COL21A1: variants seen among roughly 807,000 people sequenced by gnomAD.
COL21A1 encodes the protein collagen type XXI alpha 1 chain, also known as collagen alpha-1(XXI) chain.
A neutral mutation model predicts 137.9 loss-of-function variants in COL21A1; 149 were observed. The observed-to-expected ratio is 1.08, with a 90% confidence interval of 0.95 to 1.24. The LOEUF (loss-of-function observed/expected upper bound fraction) is 1.24, where lower values mean the gene tolerates loss of function less well. Among genes scored for constraint, COL21A1 ranks in the 50% most tolerant of loss-of-function variants. COL21A1 has a pLI of 0.00. For missense variants in COL21A1, 1,167 were observed against 1,158.4 expected, an observed-to-expected ratio of 1.01 and a Z score of -0.11; for synonymous variants, 456 against 391.5, an observed-to-expected ratio of 1.16 and a Z score of -1.95.
intron 1 of COL21A1, among the ~76,000 whole-genome samples, chr6:56,227,347 C>T (rs1051942297): frequency 1.3e-5 from 2 of 152,018 alleles, no homozygotes; most frequent in African/African-American, 4.8e-5. Flanking sequence ...GAGAAAACCT[C>T]TAAGTCCCAC....
chr6:56,351,522 G>A (rs1254412537), intron 1 of COL21A1, among the ~76,000 whole-genome samples: 2 of 152,210 alleles, frequency 1.3e-5, no homozygotes, highest in East Asian at 1.9e-4. Context: ...AAATCTCAGA[G>A]AGGAGAGACT....
intron 1 of COL21A1, among the ~76,000 whole-genome samples, chr6:56,379,605 AC>A (rs2094005450): frequency 6.6e-6 from 1 of 152,208 alleles, no homozygotes; most frequent in South Asian, 2.1e-4. Context: ...CTGCCTAGAA[AC>A]ATATGTACAT....
intron 1 of COL21A1, among the ~76,000 whole-genome samples, chr6:56,228,734 C>A (rs1781364674): frequency 6.6e-6 from 1 of 151,532 alleles, no homozygotes; most frequent in African/African-American, 2.4e-5. Flanking sequence ...GGATTCTGGT[C>A]TGGCTTACTG....
At chr6:56,223,943 T>C (rs1369098657) in intron 1 of COL21A1, among the ~76,000 whole-genome samples, 2 of 152,086 alleles carry the variant, frequency 1.3e-5, no homozygotes, top group African/African-American at 4.8e-5. Flanking sequence ...TTCCCAAAGA[T>C]GTTGAGATAC....
intron 16 of COL21A1, among the ~76,000 whole-genome samples, chr6:56,120,582 A>T (rs1309342498): frequency 1.3e-5 from 2 of 152,116 alleles, no homozygotes; most frequent in Admixed American, 1.3e-4. Flanking sequence ...GGATCGCCTG[A>T]GGTCAGGAAT....
At chr6:56,306,902 G>C (rs4370352) in intron 1 of COL21A1, among the ~76,000 whole-genome samples, 4 of 152,030 alleles carry the variant, frequency 2.6e-5, no homozygotes, top group African/African-American at 4.8e-5. Flanking sequence ...TGGGGTTTTG[G>C]TGTGGATGTC....
intron 12 of COL21A1, 173 bp from the exon 13 acceptor site, chr6:56,126,322 G>T (rs1160371611): frequency 5.5e-6 from 3 of 548,764 alleles, no homozygotes; most frequent in Admixed American, 3.7e-5. Context: ...ACTTTTCAGG[G>T]TTTCATTTAT....
At chr6:56,178,732 G>C (rs1361160054) in intron 3 of COL21A1, among the ~76,000 whole-genome samples, 1 of 151,856 alleles carries the variant, frequency 6.6e-6, no homozygotes, top group Non-Finnish European at 1.5e-5. Context: ...ACCAAAACTG[G>C]GACCTTCCCA....
intron 12 of COL21A1, among the ~76,000 whole-genome samples, chr6:56,139,314 G>A (rs1006628666): frequency 3.9e-5 from 6 of 152,064 alleles, no homozygotes; most frequent in African/African-American, 1.2e-4. Flanking sequence ...AAAAAGCCTA[G>A]GCAGTAAGTA....
chr6:56,360,612 G>A (rs186957393), intron 1 of COL21A1, among the ~76,000 whole-genome samples: 18 of 152,282 alleles, frequency 1.2e-4, no homozygotes, highest in East Asian at 1.9e-4. Context: ...AACCAAAATC[G>A]TGTAGGTTGA....
chr6:56,390,221 GTGTT>G (rs969246003), intron 1 of COL21A1, among the ~76,000 whole-genome samples: 12 of 151,956 alleles, frequency 7.9e-5, no homozygotes, highest in Middle Eastern at 3.4e-3. Context: ...TCTCTGCTAT[GTGTT>G]TGTTTGTTTA....
chr6:56,223,629 G>A (rs1780997293), intron 1 of COL21A1, among the ~76,000 whole-genome samples: 1 of 151,962 alleles, frequency 6.6e-6, no homozygotes, highest in Admixed American at 6.6e-5. Flanking sequence ...TTTTGGGTAA[G>A]GGGATAATAT....
upstream of COL21A1, among the ~76,000 whole-genome samples, chr6:56,250,377 T>C (rs1050177113): frequency 3.3e-5 from 5 of 152,336 alleles, no homozygotes; most frequent in Admixed American, 2.6e-4. Flanking sequence ...TAGAGAGGCA[T>C]GCTTTGGCTG....
chr6:56,303,162 G>T (rs998183347), intron 1 of COL21A1, among the ~76,000 whole-genome samples: 21 of 152,280 alleles, frequency 1.4e-4, no homozygotes, highest in Admixed American at 7.2e-4. Context: ...GTCAGGTAGC[G>T]TGATGCCTCC....
intron 16 of COL21A1, among the ~76,000 whole-genome samples, chr6:56,109,042 C>T (rs1024252399): frequency 4.0e-5 from 6 of 151,486 alleles, no homozygotes; most frequent in Admixed American, 3.9e-4. Flanking sequence ...GAAAACATTG[C>T]ATATCAGAAT....
intron 1 of COL21A1, among the ~76,000 whole-genome samples, chr6:56,211,419 T>C (rs1264219933): frequency 6.6e-6 from 1 of 152,010 alleles, no homozygotes; most frequent in Non-Finnish European, 1.5e-5. Context: ...ACCTTTTTAA[T>C]AGTTGGAGTT....
intron 1 of COL21A1, among the ~76,000 whole-genome samples, chr6:56,309,939 G>T (rs938761866): frequency 7.2e-5 from 11 of 152,172 alleles, no homozygotes; most frequent in South Asian, 6.2e-4. Flanking sequence ...ATAGATAAGG[G>T]TAAAACAAGG....
Position 56,170,693 on chromosome 6 carries a change from T to C in COL21A1, c.982A>G (p.Ile328Val). Reference sequence around the variant, plus strand: ...AAGGTAACCACTTGTGAGCCATTAATTACGCTGGTTGTTGTAAATAATAAG... The same window carrying C: ...AAGGTAACCACTTGTGAGCCATTAACTACGCTGGTTGTTGTAAATAATAAG... ...KILLFTTTSV[I>V]NGSQVVTFAN... is the part of the protein sequence containing the mutation. The change falls in exon 5 of 30, where the codon ATT (isoleucine) becomes GTT (valine). Residue 328 changes from isoleucine (I) to valine (V), a missense_variant. Coordinates refer to ENST00000244728, the MANE Select transcript of COL21A1 (RefSeq NM_030820.4). 2 of 1,604,670 alleles carry C rather than the reference T, an allele frequency of 1.2e-6. No individual in the cohort carries two copies. The highest frequency in any genetic ancestry group is 1.7e-6 in the Non-Finnish European group (2 of 1,174,344).
intron 1 of COL21A1, among the ~76,000 whole-genome samples, chr6:56,204,229 A>C (rs1925138): frequency 0.75 from 113,688 of 152,028 alleles, 43,084 homozygotes; most frequent in African/African-American, 0.86. Flanking sequence ...AGCTAAGATT[A>C]ACTGGCTTGA....
Sources: gnomAD v4.1 joint callset for allele counts (sites outside exome capture counted in the v4.1 genomes callset) on GRCh38, gnomAD v4.1.1 for gene constraint, MANE v1.5 for transcripts, NCBI Gene and HGNC (gene_info 2026-07-23, HGNC 2026-07-21) for gene names.